PRORP: variants seen among roughly 807,000 people sequenced by gnomAD.
PRORP encodes mitochondrial ribonuclease P catalytic subunit.
In PRORP, 51 loss-of-function variants were observed where a neutral mutation model predicts 59.4. That is an observed-to-expected ratio of 0.86 (90% CI 0.69 to 1.08). The LOEUF (loss-of-function observed/expected upper bound fraction) is 1.08. Ranked by LOEUF, PRORP falls within the 50% of genes least tolerant of loss-of-function variation. The probability of loss-of-function intolerance (pLI) is 0.00; values close to 1 mark genes in which losing one functional copy is unlikely to be tolerated. For missense variants in PRORP, 646 were observed against 690.3 expected, an observed-to-expected ratio of 0.94 and a Z score of 0.72; for synonymous variants, 231 against 245.6, an observed-to-expected ratio of 0.94 and a Z score of 0.55.
intron 5 of PRORP, among the ~76,000 whole-genome samples, chr14:35,187,308 C>CAGG (rs1056226306): frequency 3.9e-5 from 6 of 152,184 alleles, no homozygotes; most frequent in African/African-American, 1.4e-4. Context: ...TCCACATCCT[C>CAGG]ACGAACACTT....
intron 1 of PRORP, 93 bp downstream of exon 1, chr14:35,122,728 C>T (rs779838160): frequency 2.6e-5 from 4 of 156,638 alleles, no homozygotes; most frequent in Non-Finnish European, 5.7e-5. Context: ...CCTCGTCCCC[C>T]CACCGGAGGA....
intron 5 of PRORP, among the ~76,000 whole-genome samples, chr14:35,230,962 C>CACACAA (rs1284721654): frequency 6.6e-6 from 1 of 151,774 alleles, no homozygotes; most frequent in East Asian, 1.9e-4. Context: ...CACACACACA[C>CACACAA]ACACACACAC....
intron 4 of PRORP, among the ~76,000 whole-genome samples, chr14:35,166,835 A>G (rs2048197481): frequency 6.6e-6 from 1 of 152,186 alleles, no homozygotes; most frequent in Non-Finnish European, 1.5e-5. Flanking sequence ...TATCCTTGAG[A>G]GAAGAGATCC....
chr14:35,145,834 T>TA (rs780894839), intron 4 of PRORP, among the ~76,000 whole-genome samples: 101,860 of 127,964 alleles, frequency 0.8, 41,627 homozygotes, highest in Non-Finnish European at 0.85. Context: ...TTTATTTATT[T>TA]TTTTATTTTT....
intron 5 of PRORP, among the ~76,000 whole-genome samples, chr14:35,228,658 T>C (rs1267839105): frequency 6.6e-6 from 1 of 152,232 alleles, no homozygotes; most frequent in Non-Finnish European, 1.5e-5. Flanking sequence ...TGTGGCCACA[T>C]AGTATTCCAT....
chr14:35,167,757 A>G (rs1233862601), intron 4 of PRORP, among the ~76,000 whole-genome samples: 1 of 152,192 alleles, frequency 6.6e-6, no homozygotes, highest in African/African-American at 2.4e-5. Context: ...GTTTTTCCAC[A>G]TCTGCTATGA....
intron 4 of PRORP, among the ~76,000 whole-genome samples, chr14:35,174,593 A>G (rs531325517): frequency 6.6e-6 from 1 of 152,246 alleles, no homozygotes; most frequent in East Asian, 1.9e-4. Flanking sequence ...CCATAGGTAA[A>G]TAAAAGCCTC....
At chr14:35,232,423 G>T (rs2050105392) in intron 5 of PRORP, among the ~76,000 whole-genome samples, 2 of 151,802 alleles carry the variant, frequency 1.3e-5, no homozygotes, top group African/African-American at 2.4e-5. Flanking sequence ...TGTTGCCCAG[G>T]TTAGTTTCTA....
At chr14:35,188,030 A>G (rs1188855961) in intron 5 of PRORP, among the ~76,000 whole-genome samples, 3 of 148,442 alleles carry the variant, frequency 2.0e-5, no homozygotes, top group African/African-American at 5.0e-5. Flanking sequence ...TTGTGTTTTT[A>G]TTAGAGACAG....
rs144657328 is a variant in PRORP, at chr14:35,147,230, T to C, written c.1167+19619T>C. ...TTGCTAAAAAATATGCTGGTGGTCA[T>C]CTGAGCCTTCAGCAAGTTGTAATCT... On this transcript the variant is annotated intron_variant, in intron 4 of 7. Transcript: ENST00000534898. Among the ~76,000 whole-genome samples, 13 of 152,348 alleles carry C rather than the reference T, an allele frequency of 8.5e-5. No homozygotes were observed. In the East Asian group the frequency reaches 2.5e-3, roughly 29 times the overall value.
intron 5 of PRORP, among the ~76,000 whole-genome samples, chr14:35,265,803 C>A (rs920133555): frequency 2.6e-5 from 4 of 152,044 alleles, no homozygotes; most frequent in Non-Finnish European, 5.9e-5. Flanking sequence ...CAAGGTTTGA[C>A]ATGTATAGGA....
chr14:35,265,319 G>A (rs1035368847), intron 5 of PRORP, among the ~76,000 whole-genome samples: 16 of 152,100 alleles, frequency 1.1e-4, no homozygotes, highest in Non-Finnish European at 2.1e-4. Context: ...TTATATTTCT[G>A]ATACATGATT....
intron 4 of PRORP, among the ~76,000 whole-genome samples, chr14:35,179,068 C>T (rs1261512619): frequency 6.6e-6 from 1 of 152,126 alleles, no homozygotes; most frequent in African/African-American, 2.4e-5. Context: ...GAATATTGGC[C>T]CCCACTCTCT....
At chr14:35,155,334 A>G (rs1366024968) in intron 4 of PRORP, among the ~76,000 whole-genome samples, 1 of 152,172 alleles carries the variant, frequency 6.6e-6, no homozygotes, top group Non-Finnish European at 1.5e-5. Flanking sequence ...TCATGAGATG[A>G]TAAAGCTAGT....
Position 35,123,750 on chromosome 14 carries a change from A to C in PRORP, c.505A>C (p.Asn169His), listed in dbSNP as rs1439933387. The change falls in exon 2 of 8, where the codon AAT becomes CAT. Residue 169 changes from asparagine (N) to histidine (H), a missense_variant. Physicochemically the swap from Asn to His is moderately conservative, Grantham distance 68. Coordinates refer to ENST00000534898, the MANE Select transcript of PRORP (RefSeq NM_014672.4). ...TCTGCTGGCATGGGTAGCAGCCAAAAATAATGGTATTGTAAGTTACGATTT... is the reference window on the plus strand; with the variant it reads ...TCTGCTGGCATGGGTAGCAGCCAAACATAATGGTATTGTAAGTTACGATTT... ...KSLLAWVAAK[N>H]NGIVSYDLLV... 1 of 1,614,138 alleles carries C rather than the reference A, an allele frequency of 6.2e-7. No individual in the cohort carries two copies. The highest frequency in any genetic ancestry group is 8.5e-7 in the Non-Finnish European group (1 of 1,180,054).
chr14:35,200,547 T>G (rs2049123070), intron 5 of PRORP, among the ~76,000 whole-genome samples: 1 of 152,086 alleles, frequency 6.6e-6, no homozygotes, highest in African/African-American at 2.4e-5. Context: ...CTCCATTTCT[T>G]ATATCTCATT....
intron 5 of PRORP, among the ~76,000 whole-genome samples, chr14:35,218,353 A>G (rs1435062132): frequency 6.8e-6 from 1 of 147,484 alleles, no homozygotes; most frequent in Non-Finnish European, 1.5e-5. Context: ...CCCAGCTATT[A>G]TGGATGCTGA....
At chr14:35,207,143 A>G (rs1205063433) in intron 5 of PRORP, among the ~76,000 whole-genome samples, 1 of 152,236 alleles carries the variant, frequency 6.6e-6, no homozygotes, top group Non-Finnish European at 1.5e-5. Context: ...AAACAAATGT[A>G]TACTGTCAGG....
At chr14:35,225,491 T>C (rs1309521368) in intron 5 of PRORP, among the ~76,000 whole-genome samples, 1 of 151,798 alleles carries the variant, frequency 6.6e-6, no homozygotes, top group Non-Finnish European at 1.5e-5. Context: ...GGATTACAGG[T>C]GTCCACCACC....
Sources: allele counts gnomAD v4.1 joint callset (sites outside exome capture counted in the v4.1 genomes callset), GRCh38; gene constraint gnomAD v4.1.1; transcripts MANE v1.5; gene names NCBI Gene and HGNC (gene_info 2026-07-23, HGNC 2026-07-21).